ANKFY1: variants seen among roughly 807,000 people sequenced by gnomAD.
The protein encoded by ANKFY1 is ankyrin repeat and FYVE domain containing 1, also known as ankyrin repeat and FYVE domain-containing protein 1.
ANKFY1 carries 47 observed loss-of-function variants against 128.3 expected under a neutral mutation model. That is an observed-to-expected ratio of 0.37 (90% CI 0.29 to 0.47). The LOEUF (loss-of-function observed/expected upper bound fraction) is 0.47, where lower values mean the gene tolerates loss of function less well. ANKFY1 is among the 20% of genes least tolerant of loss of function. The probability of loss-of-function intolerance (pLI) is 1.00; values close to 1 mark genes in which losing one functional copy is unlikely to be tolerated. For synonymous variants in ANKFY1, 553 were observed against 601.6 expected, an observed-to-expected ratio of 0.92 and a Z score of 1.18; for missense variants, 1,222 against 1,510.6, an observed-to-expected ratio of 0.81 and a Z score of 3.17.
intron 11 of ANKFY1, chr17:4,187,956 C>A (rs1345214829): frequency 6.6e-6 from 1 of 152,272 alleles, no homozygotes; most frequent in East Asian, 1.9e-4. Context: ...GCGTGAGCCA[C>A]CGTGCCCAGC....
chr17:4,226,842 C>A (rs1196144839), intron 3 of ANKFY1, among the ~76,000 whole-genome samples: 2 of 150,578 alleles, frequency 1.3e-5, no homozygotes, highest in African/African-American at 4.9e-5. Flanking sequence ...AAATGCCAAA[C>A]TTCTATAGAC....
intron 1 of ANKFY1, among the ~76,000 whole-genome samples, chr17:4,242,921 G>A (rs1967323388): frequency 6.6e-6 from 1 of 152,126 alleles, no homozygotes; most frequent in Non-Finnish European, 1.5e-5. Flanking sequence ...ATAAAGCCAG[G>A]AATTCTCCAG....
In ANKFY1 at chr17:4,222,939, GAGA is replaced by G. The variant is rs755520682; in HGVS notation, c.323-5824_323-5822del. 2.6e-5 allele frequency: 33 copies of G among 1,251,868 alleles called. No individual in the cohort carries two copies. In the South Asian group the frequency reaches 3.7e-4, roughly 14 times the overall value. 77.5% of individuals were successfully genotyped at this position (1,251,868 alleles called of 1,614,324 possible). A position where few individuals can be genotyped will look rare whatever the true frequency, so the allele number is the denominator to read the frequency against. On this transcript the variant is annotated intron_variant, in intron 3 of 24. Transcript: ENST00000341657. ...CTCAGGTTATCCTACCTTGCGGATA[GAGA>G]AGAACGACTTGAGAAGTGTCACTCT...
chr17:4,263,816 C>G, intron 1 of ANKFY1, 116 bp downstream of exon 1: 1 of 1,607,710 alleles, frequency 6.2e-7, no homozygotes, highest in Non-Finnish European at 8.5e-7. Context: ...GCTCGCGAGA[C>G]CCGCGGAGCC....
chr17:4,199,765 C>T (rs561776573), intron 7 of ANKFY1, among the ~76,000 whole-genome samples: 9 of 152,328 alleles, frequency 5.9e-5, no homozygotes, highest in African/African-American at 1.9e-4. Flanking sequence ...TTAAAGTTTA[C>T]TTGTCAAGTT....
chr17:4,226,750 A>T (rs2060432899), intron 3 of ANKFY1, among the ~76,000 whole-genome samples: 1 of 151,724 alleles, frequency 6.6e-6, no homozygotes, highest in Non-Finnish European at 1.5e-5. Context: ...CTCAAAAAAA[A>T]AAAAAAAGAA....
intron 23 of ANKFY1, among the ~76,000 whole-genome samples, chr17:4,170,238 C>T (rs897190465): frequency 1.3e-5 from 2 of 152,216 alleles, no homozygotes; most frequent in Admixed American, 6.5e-5. Context: ...TCGAGACATT[C>T]TGATTCTTTC....
rs2059369076 is a variant in ANKFY1, at chr17:4,173,964, T to C, written c.2868A>G (p.Ser956=). The C allele has an allele frequency of 5.0e-6, 8 of 1,614,216 alleles. No homozygotes were observed. The highest frequency in any genetic ancestry group is 6.8e-6 in the Non-Finnish European group (8 of 1,179,998). ...AAQQDLPTIC[S]VLLENGVDFA... ...AGTCCACGCCATTCTCTAGGAGGAC[T>C]GAGCAGATGGTGGGCAGGTCCTGCT... Residue 956 remains serine (S), a synonymous_variant, in exon 20 of 25, where the codon TCA becomes TCG. Transcript: ENST00000341657.
At position 4,222,944 on chromosome 17, in the gene ANKFY1, G is replaced by C; in HGVS notation, c.323-5826C>G. 3.2e-6 allele frequency: 4 copies of C among 1,245,620 alleles called. No individual in the cohort carries two copies. In the South Asian group the frequency reaches 4.8e-5, roughly 15 times the overall value. 77.2% of individuals were successfully genotyped at this position (1,245,620 alleles called of 1,614,324 possible). A position where few individuals can be genotyped will look rare whatever the true frequency, so the allele number is the denominator to read the frequency against. On this transcript the variant is annotated intron_variant, in intron 3 of 24. Transcript: ENST00000341657. ...GTTATCCTACCTTGCGGATAGAGAA[G>C]AACGACTTGAGAAGTGTCACTCTTT...
At chr17:4,217,719 A>G (rs551067252) in intron 3 of ANKFY1, among the ~76,000 whole-genome samples, 9 of 152,064 alleles carry the variant, frequency 5.9e-5, no homozygotes, top group Non-Finnish European at 1.2e-4. Flanking sequence ...GGGTCTCACT[A>G]CGTCACCCAG....
Position 4,207,164 on chromosome 17 carries a change from C to T in ANKFY1, c.733-678G>A, listed in dbSNP as rs185130923. 2.2e-3 allele frequency among the ~76,000 whole-genome samples: 328 copies of T among 150,210 alleles called. 2 individuals carry two copies. The highest frequency in any genetic ancestry group is 7.3e-3 in the African/African-American group (303 of 41,232). On this transcript the variant is annotated intron_variant, in intron 6 of 24. Coordinates refer to ENST00000341657, the MANE Select transcript of ANKFY1 (RefSeq NM_001330063.2). ...ACCACAGAGGGCCCGACCCGTCTAA[C>T]CACAGAGGGCCCGATCTATCTAACC...
At chr17:4,258,705 T>C (rs1196453449) in intron 1 of ANKFY1, among the ~76,000 whole-genome samples, 2 of 152,130 alleles carry the variant, frequency 1.3e-5, no homozygotes, top group African/African-American at 4.8e-5. Context: ...ACTGAGTACT[T>C]GGAATAGGAC....
Position 4,183,530 on chromosome 17 carries a change from T to C in ANKFY1, c.1820A>G (p.Gln607Arg). 1 of 1,612,578 alleles carries C rather than the reference T, an allele frequency of 6.2e-7. No individual in the cohort carries two copies. The highest frequency in any genetic ancestry group is 8.5e-7 in the Non-Finnish European group (1 of 1,180,016). The change falls in exon 14 of 25, where the codon CAG becomes CGG. Residue 607 changes from glutamine (Q) to arginine (R), a missense_variant. Physicochemically the swap from Gln to Arg is conservative, Grantham distance 43. Transcript: ENST00000341657. ...GATGGCGGCTCCAGAGCCCAGCAGC[T>C]GGGCTGCGATCGTGTGCATGCCTGG... is the stretch of plus-strand genomic sequence containing the variant. ...LWTGMHTIAA[Q>R]LLGSGAAIND...
intron 1 of ANKFY1, among the ~76,000 whole-genome samples, chr17:4,243,509 C>T (rs2143402458): frequency 6.6e-6 from 1 of 152,270 alleles, no homozygotes; most frequent in African/African-American, 2.4e-5. Context: ...ATGTCATCTT[C>T]ATGACAAGCC....
chr17:4,169,214 T>C lies in ANKFY1; in HGVS notation c.3361A>G (p.Thr1121Ala). 1 of 1,552,486 alleles carries C rather than the reference T, an allele frequency of 6.4e-7. No individual in the cohort carries two copies. Residue 1121 changes from threonine (T) to alanine (A), a missense_variant, in exon 24 of 25, where the codon ACT (threonine) becomes GCT (alanine). Coordinates refer to ENST00000341657, the MANE Select transcript of ANKFY1 (RefSeq NM_001330063.2). The surrounding 1 kb of genome is among the most constrained non-coding windows in gnomAD (Gnocchi z 5.0). ...GGGTCTTACCAGTGGTGTTTGCGAGTGGTGACTCCGAACCTGGCAGTGCAC... is the reference window on the plus strand; with the variant it reads ...GGGTCTTACCAGTGGTGTTTGCGAGCGGTGACTCCGAACCTGGCAGTGCAC... ...YECTARFGVT[T>A]RKHHCRHCGR... is the part of the protein sequence containing the mutation.
chr17:4,245,913 A>G (rs182470003), intron 1 of ANKFY1, among the ~76,000 whole-genome samples: 2 of 152,108 alleles, frequency 1.3e-5, no homozygotes, highest in East Asian at 1.9e-4. Flanking sequence ...GTGTGGTGGC[A>G]CACAACTGTA....
intron 6 of ANKFY1, among the ~76,000 whole-genome samples, chr17:4,206,886 T>C (rs1438607785): frequency 1.3e-5 from 2 of 152,150 alleles, no homozygotes; most frequent in Non-Finnish European, 2.9e-5. Flanking sequence ...CCCCATACAC[T>C]GGACACCCGG....
chr17:4,216,162 A>G (rs2060217804), intron 4 of ANKFY1, among the ~76,000 whole-genome samples: 1 of 152,226 alleles, frequency 6.6e-6, no homozygotes, highest in Non-Finnish European at 1.5e-5. Flanking sequence ...CATGACGAAA[A>G]CAGCAAGCAG....
intron 3 of ANKFY1, chr17:4,222,092 C>CA (rs2060326586): frequency 6.6e-6 from 1 of 151,326 alleles, no homozygotes; most frequent in Admixed American, 6.6e-5. Context: ...CGGCTGGGGC[C>CA]AGGGGTAGGC....
Sources: allele counts gnomAD v4.1 joint callset (sites outside exome capture counted in the v4.1 genomes callset), GRCh38; gene constraint gnomAD v4.1.1; non-coding constraint Gnocchi (gnomAD v3.1); transcripts MANE v1.5; gene names NCBI Gene and HGNC (gene_info 2026-07-23, HGNC 2026-07-21).